FMNL2: variants seen among roughly 807,000 people sequenced by gnomAD.
FMNL2 encodes the protein formin-like protein 2.
Under a neutral mutation model 130.2 loss-of-function variants are expected in FMNL2, and 51 were observed. The observed-to-expected ratio is 0.39, with a 90% confidence interval of 0.31 to 0.49. The LOEUF is 0.49. Among genes scored for constraint, FMNL2 ranks in the 20% least tolerant of loss-of-function variants. FMNL2 has a pLI of 0.85. For synonymous variants in FMNL2, 465 were observed against 467.1 expected (o/e 1.00, Z 0.06); for missense variants, 977 against 1,316.2 (o/e 0.74, Z 3.99).
At chr2:152,442,174 G>T (rs1463793236) in intron 1 of FMNL2, among the ~76,000 whole-genome samples, 1 of 151,998 alleles carries the variant, frequency 6.6e-6, no homozygotes, top group African/African-American at 2.4e-5. Context: ...GTCACCTACT[G>T]GTCCTTCTGA....
intron 1 of FMNL2, among the ~76,000 whole-genome samples, chr2:152,385,563 C>T (rs1334307622): frequency 1.3e-5 from 2 of 152,158 alleles, no homozygotes; most frequent in Non-Finnish European, 2.9e-5. Flanking sequence ...ATATAATGCT[C>T]ACTGTCCTGG....
rs756935495 is a variant in FMNL2 at position 152,647,841 on chromosome 2, G to A, written c.3215G>A (p.Ser1072Asn). 3 of 1,613,848 alleles carry A rather than the reference G, an allele frequency of 1.9e-6. No homozygotes were observed. Among genetic ancestry groups the A allele is most frequent in the East Asian group, 2.2e-5 (1 of 44,896 alleles). ...PYRRADAVRR[S>N]VRRRFDDQNL... is the part of the protein sequence containing the mutation. ...AGACGAGCCGATGCGGTGAGGAGAA[G>A]CGTCAGGCGGCGCTTTGATGATCAG... Residue 1072 changes from serine to asparagine, a missense_variant, in exon 26 of 26, where the codon AGC (serine) becomes AAC (asparagine). This residue lies in a region of FMNL2 where 168 missense variants were observed against 168.8 expected (regional missense o/e 1.00). Transcript: ENST00000288670.
chr2:152,399,873 A>T (rs1246352009), intron 1 of FMNL2, among the ~76,000 whole-genome samples: 1 of 152,162 alleles, frequency 6.6e-6, no homozygotes, highest in Non-Finnish European at 1.5e-5. Flanking sequence ...CTACTGGATG[A>T]AGAGTGCTGA....
intron 1 of FMNL2, among the ~76,000 whole-genome samples, chr2:152,491,866 G>A (rs1157025189): frequency 2.6e-5 from 4 of 152,074 alleles, no homozygotes; most frequent in Non-Finnish European, 4.4e-5. Flanking sequence ...CAGGAGAATC[G>A]CCTGAACTCG....
At chr2:152,644,323 A>G (rs1683352186) in intron 25 of FMNL2, among the ~76,000 whole-genome samples, 1 of 152,246 alleles carries the variant, frequency 6.6e-6, no homozygotes, top group Non-Finnish European at 1.5e-5. Flanking sequence ...TTGATAGCAT[A>G]ATCACCTGCC....
At chr2:152,630,590 G>A (rs575268021) in intron 20 of FMNL2, among the ~76,000 whole-genome samples, 1 of 152,302 alleles carries the variant, frequency 6.6e-6, no homozygotes, top group South Asian at 2.1e-4. Flanking sequence ...CACATGAGAA[G>A]GCTGGGCAGT....
chr2:152,635,855 C>T (rs1445072094), intron 21 of FMNL2, among the ~76,000 whole-genome samples: 1 of 152,154 alleles, frequency 6.6e-6, no homozygotes, highest in Non-Finnish European at 1.5e-5. Context: ...AAAGGCTGCC[C>T]CCTGCTGGAG....
intron 4 of FMNL2, 123 bp from the exon 5 acceptor site, chr2:152,558,617 C>G: frequency 2.7e-5 from 22 of 813,312 alleles, no homozygotes; most frequent in Non-Finnish European, 4.3e-5. Context: ...AGGCCTTCCT[C>G]CCTATGTCCT....
At chr2:152,582,699 G>A (rs1316078560) in intron 9 of FMNL2, among the ~76,000 whole-genome samples, 1 of 152,096 alleles carries the variant, frequency 6.6e-6, no homozygotes, top group African/African-American at 2.4e-5. Flanking sequence ...TATAAATAAG[G>A]AAGTATGTTT....
intron 1 of FMNL2, among the ~76,000 whole-genome samples, chr2:152,451,973 G>A (rs760045124): frequency 2.6e-5 from 4 of 152,158 alleles, no homozygotes; most frequent in African/African-American, 4.8e-5. Context: ...ACCCAGGCCC[G>A]TGGGCTCCCT....
At chr2:152,466,846 G>A in intron 1 of FMNL2, among the ~76,000 whole-genome samples, 1 of 152,184 alleles carries the variant, frequency 6.6e-6, no homozygotes, top group Non-Finnish European at 1.5e-5. Context: ...GAAGTGCTGT[G>A]AGTGGGATGC....
intron 1 of FMNL2, among the ~76,000 whole-genome samples, chr2:152,378,931 A>G (rs1684310711): frequency 7.3e-6 from 1 of 136,890 alleles, no homozygotes; most frequent in Admixed American, 8.4e-5. Flanking sequence ...TAAGTAGGAG[A>G]ACCTACTCCA....
intron 1 of FMNL2, among the ~76,000 whole-genome samples, chr2:152,492,196 T>G (rs1365170242): frequency 6.6e-6 from 1 of 152,104 alleles, no homozygotes; most frequent in Admixed American, 6.6e-5. Context: ...ATCTCTTCAT[T>G]CCGTCCCCCA....
Position 152,363,578 on chromosome 2 carries a change from C to CG in FMNL2, c.117+27858_117+27859insG, listed in dbSNP as rs200772910. On this transcript the variant is annotated intron_variant, in intron 1 of 25. Coordinates refer to ENST00000288670, the MANE Select transcript of FMNL2 (RefSeq NM_052905.4). ...TTTTCTTTTCTTTTTTTTTTCCCCC[C>CG]CAAGACAGAGTCTCGCTCTGTCGCC... Among the ~76,000 whole-genome samples the CG allele has an allele frequency of 1.0e-2, 1,510 of 151,720 alleles. 18 individuals carry two copies. Among genetic ancestry groups the CG allele is most frequent in the African/African-American group, 0.035 (1,438 of 41,370 alleles).
chr2:152,364,261 GTT>G (rs869062341), intron 1 of FMNL2, among the ~76,000 whole-genome samples: 1,172 of 24,066 alleles, frequency 0.049, 6 homozygotes, highest in African/African-American at 0.097. Context: ...AGGTTTGTGT[GTT>G]TTTTTTTTTT....
At chr2:152,398,523 T>G (rs146884440) in intron 1 of FMNL2, among the ~76,000 whole-genome samples, 2 of 152,230 alleles carry the variant, frequency 1.3e-5, no homozygotes, top group Admixed American at 6.5e-5. Context: ...AAACTGATGA[T>G]TTTTGGATGA....
chr2:152,472,438 C>T (rs931551308), intron 1 of FMNL2, among the ~76,000 whole-genome samples: 1 of 152,066 alleles, frequency 6.6e-6, no homozygotes, highest in African/African-American at 2.4e-5. Context: ...ATTTTATTTA[C>T]AAAGCCTGGC....
At chr2:152,379,039 C>T (rs1490506718) in intron 1 of FMNL2, among the ~76,000 whole-genome samples, 1 of 142,852 alleles carries the variant, frequency 7.0e-6, no homozygotes, top group Non-Finnish European at 1.5e-5. Flanking sequence ...GAGGTGAATG[C>T]CAGGTATCTT....
chr2:152,451,073 A>G (rs1474587454), intron 1 of FMNL2, among the ~76,000 whole-genome samples: 4 of 152,170 alleles, frequency 2.6e-5, no homozygotes, highest in Non-Finnish European at 5.9e-5. Flanking sequence ...AAACCATGGG[A>G]GGAGATAACT....
Sources: allele counts gnomAD v4.1 joint callset (sites outside exome capture counted in the v4.1 genomes callset), GRCh38; gene constraint gnomAD v4.1.1; regional missense constraint gnomAD v4.1.1; transcripts MANE v1.5; gene names NCBI Gene and HGNC (gene_info 2026-07-23, HGNC 2026-07-21).